The following MARCHF4 variants were observed in gnomAD, a reference collection of about 807,000 sequenced individuals.
MARCHF4 encodes the protein E3 ubiquitin-protein ligase MARCHF4.
MARCHF4 carries 14 observed loss-of-function variants against 43.9 expected under a neutral mutation model. The observed-to-expected ratio is 0.32, with a 90% CI of 0.21 to 0.50. The LOEUF (loss-of-function observed/expected upper bound fraction) is 0.50. Among genes scored for constraint, MARCHF4 ranks in the 20% least tolerant of loss-of-function variants. The probability of loss-of-function intolerance (pLI) is 0.98; values close to 1 mark genes in which losing one functional copy is unlikely to be tolerated. For missense variants in MARCHF4, 468 were observed against 536.7 expected (o/e 0.87, Z 1.27); for synonymous variants, 226 against 213.3 (o/e 1.06, Z -0.52).
chr2:216,354,214 G>T (rs1452212837), intron 1 of MARCHF4, among the ~76,000 whole-genome samples: 2 of 152,174 alleles, frequency 1.3e-5, no homozygotes, highest in African/African-American at 4.8e-5. Context: ...AAAGCACAGA[G>T]GGCAATTTGA....
chr2:216,367,017 C>T (rs1457065092), intron 1 of MARCHF4, among the ~76,000 whole-genome samples: 3 of 152,204 alleles, frequency 2.0e-5, no homozygotes, highest in Non-Finnish European at 2.9e-5. Context: ...GATTCTCTTG[C>T]TGTTCCTCAC....
At chr2:216,359,061 TG>T (rs1203363426) in intron 1 of MARCHF4, among the ~76,000 whole-genome samples, 1 of 152,228 alleles carries the variant, frequency 6.6e-6, no homozygotes, top group African/African-American at 2.4e-5. Flanking sequence ...TAACATTAGC[TG>T]GGTAACAGAC....
At chr2:216,327,762 A>C (rs1692018153) in intron 1 of MARCHF4, among the ~76,000 whole-genome samples, 1 of 152,154 alleles carries the variant, frequency 6.6e-6, no homozygotes, top group Non-Finnish European at 1.5e-5. Context: ...CCTTGTTGAG[A>C]ATGGCAGGAT....
intron 1 of MARCHF4, among the ~76,000 whole-genome samples, chr2:216,324,700 A>G (rs1459810063): frequency 2.0e-5 from 3 of 147,276 alleles, no homozygotes; most frequent in Non-Finnish European, 3.0e-5. Context: ...TATAAACAGA[A>G]CCAAAGACAA....
chr2:216,297,607 G>A (rs1479718772), intron 1 of MARCHF4, among the ~76,000 whole-genome samples: 4 of 152,184 alleles, frequency 2.6e-5, no homozygotes, highest in African/African-American at 9.7e-5. Flanking sequence ...CGCCTCCCCT[G>A]GGTTCAAGCA....
chr2:216,286,755 G>T (rs993242665), intron 1 of MARCHF4, among the ~76,000 whole-genome samples: 2 of 152,184 alleles, frequency 1.3e-5, no homozygotes, highest in Non-Finnish European at 1.5e-5. Context: ...AGTGTTTAGG[G>T]CTTCTAAAAA....
At chr2:216,259,909 G>T in intron 3 of MARCHF4, 1 of 543,728 alleles carries the variant, frequency 1.8e-6, no homozygotes. Flanking sequence ...CAGTGCCTTC[G>T]CCCACTTCTA....
intron 3 of MARCHF4, among the ~76,000 whole-genome samples, chr2:216,269,552 C>T (rs1308098662): frequency 6.6e-6 from 1 of 152,202 alleles, no homozygotes; most frequent in Non-Finnish European, 1.5e-5. Context: ...TATATCTAGG[C>T]TGTAGCTGCA....
intron 1 of MARCHF4, among the ~76,000 whole-genome samples, chr2:216,324,780 A>G (rs200170684): frequency 3.5e-5 from 4 of 114,764 alleles, no homozygotes; most frequent in African/African-American, 1.2e-4. Context: ...CATGCTAAAA[A>G]CTCTCAATAA....
Position 216,259,217 on chromosome 2 carries a change from T to C in MARCHF4, c.*95A>G. On this transcript the variant is annotated 3_prime_UTR_variant, in exon 4 of 4. Coordinates refer to ENST00000273067, the MANE Select transcript of MARCHF4 (RefSeq NM_020814.3). The stretch of plus-strand genomic sequence containing the variant: ...CCCGCCAGGTCCCCCACCCTCTGCC[T>C]GCTCCCTCTGTTGGCTCTGGGGGTG... 6.7e-7 allele frequency: 1 copy of C among 1,484,530 alleles called. No homozygotes were observed. Among genetic ancestry groups the C allele is most frequent in the Non-Finnish European group, 8.9e-7 (1 of 1,121,820 alleles). The allele number at this position is 1,484,530 out of a possible 1,614,324, so 92.0% of individuals were successfully genotyped here.
At chr2:216,340,632 G>C (rs892891762) in intron 1 of MARCHF4, among the ~76,000 whole-genome samples, 11 of 152,204 alleles carry the variant, frequency 7.2e-5, no homozygotes, top group Admixed American at 2.0e-4. Context: ...GGTTGACAGA[G>C]CATCTCCCAT....
intron 2 of MARCHF4, among the ~76,000 whole-genome samples, chr2:216,280,718 G>A (rs1222958542): frequency 1.3e-5 from 2 of 152,168 alleles, no homozygotes; most frequent in Non-Finnish European, 2.9e-5. Context: ...GTCACCCTGG[G>A]CATGTTGGTG....
At chr2:216,281,878 A>G (rs768608386) in intron 2 of MARCHF4, among the ~76,000 whole-genome samples, 2 of 152,118 alleles carry the variant, frequency 1.3e-5, no homozygotes, top group African/African-American at 4.8e-5. Context: ...TGCTTACCTG[A>G]CTTGGGAGAT....
chr2:216,280,275 A>C (rs888577393), intron 2 of MARCHF4, among the ~76,000 whole-genome samples: 1 of 151,972 alleles, frequency 6.6e-6, no homozygotes, highest in Non-Finnish European at 1.5e-5. Flanking sequence ...TCTCAGTATC[A>C]TGAGGTTTCT....
chr2:216,352,917 C>G (rs1692423058), intron 1 of MARCHF4, among the ~76,000 whole-genome samples: 1 of 152,164 alleles, frequency 6.6e-6, no homozygotes, highest in Non-Finnish European at 1.5e-5. Flanking sequence ...ACCCAGAATC[C>G]TCATGCGGTT....
At chr2:216,312,045 G>A (rs1229012190) in intron 1 of MARCHF4, among the ~76,000 whole-genome samples, 1 of 152,152 alleles carries the variant, frequency 6.6e-6, no homozygotes, top group Non-Finnish European at 1.5e-5. Flanking sequence ...ATTGTGTACT[G>A]GTGGGGATTG....
chr2:216,287,350 C>T (rs1274616498), intron 1 of MARCHF4, among the ~76,000 whole-genome samples: 1 of 152,072 alleles, frequency 6.6e-6, no homozygotes, highest in African/African-American at 2.4e-5. Flanking sequence ...AGCATTTGGG[C>T]TGGGAGGATT....
chr2:216,296,614 CT>C (rs1359711965), intron 1 of MARCHF4, among the ~76,000 whole-genome samples: 5 of 152,120 alleles, frequency 3.3e-5, no homozygotes, highest in Admixed American at 3.3e-4. Flanking sequence ...GTAAAATGAT[CT>C]GCATTTTAAG....
In MARCHF4 at chr2:216,259,257, C is replaced by G. The variant is rs377271504; in HGVS notation, c.*55G>C. On this transcript the variant is annotated 3_prime_UTR_variant, in exon 4 of 4. Transcript: ENST00000273067. ...CTCTGGGGGTGCCACTGCACCTCCC[C>G]ACCCTGCTCCGGGCCCTCAGTGGTG... 3.8e-5 allele frequency: 57 copies of G among 1,504,152 alleles called. No homozygotes were observed. The highest frequency in any genetic ancestry group is 4.7e-5 in the Non-Finnish European group (53 of 1,128,792). The allele number at this position is 1,504,152 out of a possible 1,614,324, so 93.2% of individuals were successfully genotyped here.
Sources: allele counts gnomAD v4.1 joint callset (sites outside exome capture counted in the v4.1 genomes callset), GRCh38; gene constraint gnomAD v4.1.1; transcripts MANE v1.5; gene names NCBI Gene and HGNC (gene_info 2026-07-23, HGNC 2026-07-21).